CCNY: variants seen among roughly 807,000 people sequenced by gnomAD.
The protein encoded by CCNY is cyclin-Y.
Under a neutral mutation model 42.8 loss-of-function variants are expected in CCNY, and 19 were observed. That is an observed-to-expected ratio of 0.44 (90% CI 0.31 to 0.65). The LOEUF is 0.65. CCNY is among the 30% of genes least tolerant of loss of function. CCNY has a pLI of 0.07. For missense variants in CCNY, 370 were observed against 437.3 expected, an observed-to-expected ratio of 0.85 and a Z score of 1.37; for synonymous variants, 165 against 162.7, an observed-to-expected ratio of 1.01 and a Z score of -0.11.
At chr10:35,262,134 T>C (rs1338316597) in intron 3 of CCNY, among the ~76,000 whole-genome samples, 1 of 151,428 alleles carries the variant, frequency 6.6e-6, no homozygotes, top group Non-Finnish European at 1.5e-5. Context: ...TGGTGGTGCA[T>C]GCCTGTAGTC....
intron 3 of CCNY, among the ~76,000 whole-genome samples, chr10:35,510,557 T>G (rs896718318): frequency 1.3e-5 from 2 of 152,188 alleles, no homozygotes. Context: ...TAACAAACCT[T>G]TCTAAGAAGT....
rs150026897 is a variant in CCNY at position 35,521,809 on chromosome 10, C to T, written c.366-4155C>T. Among the ~76,000 whole-genome samples the T allele has an allele frequency of 5.3e-5, 8 of 152,242 alleles. No homozygotes were observed. The South Asian group carries it at 6.2e-4, about 12-fold the overall frequency. ...CGGTAAGCCCCTCAAGACTGCTCCA[C>T]CTGGATGGAAGGACACTGTTTCCCA... On this transcript the variant is annotated intron_variant, in intron 4 of 9. Coordinates refer to ENST00000374704, the MANE Select transcript of CCNY (RefSeq NM_145012.6).
intron 3 of CCNY, among the ~76,000 whole-genome samples, chr10:35,320,324 A>G (rs1377124478): frequency 6.6e-6 from 1 of 152,214 alleles, no homozygotes; most frequent in Non-Finnish European, 1.5e-5. Context: ...ACACTAAAAA[A>G]ATCAACATAC....
intron 1 of CCNY, among the ~76,000 whole-genome samples, chr10:35,478,107 A>G (rs1839562008): frequency 6.7e-6 from 1 of 150,256 alleles, no homozygotes; most frequent in African/African-American, 2.4e-5. Flanking sequence ...CTTCAAGGAG[A>G]ACTACAAACT....
chr10:35,537,512 G>C (rs1241358490), intron 7 of CCNY, among the ~76,000 whole-genome samples: 3 of 152,206 alleles, frequency 2.0e-5, no homozygotes, highest in Admixed American at 1.3e-4. Flanking sequence ...TCAGGAGGGG[G>C]ACTATTCCTT....
intron 1 of CCNY, among the ~76,000 whole-genome samples, chr10:35,450,226 G>A (rs1276956511): frequency 6.6e-6 from 1 of 152,088 alleles, no homozygotes; most frequent in Non-Finnish European, 1.5e-5. Context: ...ATGTCAGGGA[G>A]TGAGTTGGGA....
intron 1 of CCNY, among the ~76,000 whole-genome samples, chr10:35,430,147 C>T (rs12252801): frequency 6.6e-6 from 1 of 151,338 alleles, no homozygotes; most frequent in Admixed American, 6.6e-5. Context: ...ACCATCCCGG[C>T]TAAAACGGTG....
chr10:35,491,616 T>A (rs188173984), intron 2 of CCNY, among the ~76,000 whole-genome samples: 1,702 of 152,172 alleles, frequency 0.011, 43 homozygotes, highest in African/African-American at 0.039. Flanking sequence ...TCACCTAATT[T>A]TTTATTTATT....
intron 7 of CCNY, among the ~76,000 whole-genome samples, chr10:35,531,756 A>G (rs1054721540): frequency 2.6e-5 from 4 of 152,164 alleles, no homozygotes; most frequent in Non-Finnish European, 5.9e-5. Context: ...TTTAATTCCT[A>G]AGAAAAATAT....
intron 3 of CCNY, among the ~76,000 whole-genome samples, chr10:35,327,212 T>A (rs1402495668): frequency 6.6e-6 from 1 of 152,232 alleles, no homozygotes; most frequent in Non-Finnish European, 1.5e-5. Flanking sequence ...ACTAAGTTAA[T>A]CACTGTTTAA....
intron 3 of CCNY, among the ~76,000 whole-genome samples, chr10:35,292,734 C>T (rs1470437983): frequency 6.7e-6 from 1 of 148,292 alleles, no homozygotes; most frequent in African/African-American, 2.5e-5. Flanking sequence ...AGCATCGTAT[C>T]TAAGAAACCA....
intron 3 of CCNY, among the ~76,000 whole-genome samples, chr10:35,266,692 T>C (rs2095725916): frequency 6.6e-6 from 1 of 151,862 alleles, no homozygotes; most frequent in Admixed American, 6.6e-5. Flanking sequence ...TCAGGAAGGG[T>C]GTCATTAAGC....
At chr10:35,399,073 A>G (rs1837586946) in intron 1 of CCNY, among the ~76,000 whole-genome samples, 1 of 152,336 alleles carries the variant, frequency 6.6e-6, no homozygotes, top group Admixed American at 6.5e-5. Context: ...GTACAAATGA[A>G]CTTTGAGAAC....
At chr10:35,467,013 T>C (rs749974645) in intron 1 of CCNY, among the ~76,000 whole-genome samples, 5 of 152,246 alleles carry the variant, frequency 3.3e-5, no homozygotes, top group South Asian at 2.1e-4. Context: ...CTTTAAACTT[T>C]CCAAAAGGAT....
chr10:35,394,744 G>A (rs1837485960), intron 1 of CCNY: 4 of 510,862 alleles, frequency 7.8e-6, no homozygotes, highest in Admixed American at 6.4e-5. Flanking sequence ...TGTTTTTAGG[G>A]CATGTTTTTC....
At chr10:35,314,242 A>G (rs1835725986) in intron 3 of CCNY, among the ~76,000 whole-genome samples, 1 of 152,110 alleles carries the variant, frequency 6.6e-6, no homozygotes, top group Non-Finnish European at 1.5e-5. Flanking sequence ...GTAATTTGTA[A>G]AGAAAAAGGT....
chr10:35,527,970 G>T (rs910965), intron 5 of CCNY, among the ~76,000 whole-genome samples: 151,220 of 152,258 alleles, frequency 0.99, 75,107 homozygotes, highest in Middle Eastern at 1. Context: ...TTCCTGAGTC[G>T]TCTTAGCTCG....
chr10:35,315,658 T>C (rs1040034531), intron 3 of CCNY, among the ~76,000 whole-genome samples: 11 of 152,198 alleles, frequency 7.2e-5, no homozygotes, highest in Admixed American at 7.2e-4. Context: ...CAAATGATAG[T>C]TCTAAGTTCT....
At chr10:35,365,863 T>C (rs186075556) in intron 1 of CCNY, among the ~76,000 whole-genome samples, 28 of 152,338 alleles carry the variant, frequency 1.8e-4, no homozygotes, top group Admixed American at 1.6e-3. Context: ...TAAAAAATGA[T>C]TAGACTAACT....
Sources: allele counts gnomAD v4.1 joint callset (sites outside exome capture counted in the v4.1 genomes callset), GRCh38; gene constraint gnomAD v4.1.1; transcripts MANE v1.5; gene names NCBI Gene and HGNC (gene_info 2026-07-23, HGNC 2026-07-21).